Variants in F5 observed in about 807,000 individuals in gnomAD.
F5 encodes the protein activated protein c cofactor.
In F5, 138 loss-of-function variants were observed where a neutral mutation model predicts 216.4. The observed-to-expected ratio is 0.64, with a 90% CI of 0.56 to 0.73. F5 has a LOEUF of 0.73. Ranked by LOEUF, F5 falls within the 30% of genes least tolerant of loss-of-function variation. F5 has a pLI of 0.00. For missense variants in F5, 2,403 were observed against 2,674.0 expected (o/e 0.90, Z 2.24); for synonymous variants, 916 against 930.7 (o/e 0.98, Z 0.29).
At chr1:169,556,178 T>C (rs1443969642) in intron 6 of F5, among the ~76,000 whole-genome samples, 2 of 152,240 alleles carry the variant, frequency 1.3e-5, no homozygotes, top group Non-Finnish European at 2.9e-5. Context: ...TCAACACACA[T>C]TCATTGAGTT....
intron 9 of F5, among the ~76,000 whole-genome samples, chr1:169,550,292 C>CCA (rs1660134768): frequency 1.3e-5 from 1 of 74,180 alleles, no homozygotes; most frequent in African/African-American, 4.5e-5. Context: ...CCCCCCACCC[C>CCA]CCCCCCCCGA....
At position 169,514,192 on chromosome 1, in the gene F5, TA is replaced by T; in HGVS notation, c.*120del. ...TCTTGTATAAAATTTTATTCACTAA[TA>T]GAAAAGAAAGAGAAATAGTGGAAAA... On this transcript the variant is annotated 3_prime_UTR_variant, in exon 25 of 25. Coordinates refer to ENST00000367797, the MANE Select transcript of F5 (RefSeq NM_000130.5). The T allele has an allele frequency of 9.4e-7, 1 of 1,062,956 alleles. No individual in the cohort carries two copies. The highest frequency in any genetic ancestry group is 1.4e-5 in the South Asian group (1 of 72,314). 65.8% of individuals were successfully genotyped at this position (1,062,956 alleles called of 1,614,324 possible). A position where few individuals can be genotyped will look rare whatever the true frequency, so the allele number is the denominator to read the frequency against.
intron 3 of F5, among the ~76,000 whole-genome samples, chr1:169,566,133 A>G (rs1660595180): frequency 6.6e-6 from 1 of 152,088 alleles, no homozygotes; most frequent in Non-Finnish European, 1.5e-5. Flanking sequence ...TGAAATTAGC[A>G]TGGCTAGTTG....
chr1:169,564,706 C>A (rs757381953), intron 3 of F5, among the ~76,000 whole-genome samples: 1 of 151,944 alleles, frequency 6.6e-6, no homozygotes, highest in Non-Finnish European at 1.5e-5. Flanking sequence ...TTAATTGTAC[C>A]TTTCCCCATC....
intron 7 of F5, 55 bp downstream of exon 7, chr1:169,555,127 C>G: frequency 6.3e-7 from 1 of 1,596,090 alleles, no homozygotes; most frequent in Non-Finnish European, 8.6e-7. Flanking sequence ...ACATCTAGGA[C>G]CCTATGGAAT....
At chr1:169,573,440 G>T (rs1660774361) in intron 2 of F5, among the ~76,000 whole-genome samples, 1 of 152,192 alleles carries the variant, frequency 6.6e-6, no homozygotes, top group Admixed American at 6.6e-5. Flanking sequence ...AGTGTACTGG[G>T]CCAGCACATG....
At chr1:169,525,302 G>A (rs1659419162) in intron 18 of F5, among the ~76,000 whole-genome samples, 1 of 151,802 alleles carries the variant, frequency 6.6e-6, no homozygotes, top group Admixed American at 6.6e-5. Context: ...TTTGATCTTG[G>A]GCAACCTCTT....
At chr1:169,580,194 A>C (rs1173249689) in intron 2 of F5, among the ~76,000 whole-genome samples, 1 of 152,154 alleles carries the variant, frequency 6.6e-6, no homozygotes, top group African/African-American at 2.4e-5. Flanking sequence ...GACTGGAGAT[A>C]GGTCTCCTAT....
At chr1:169,566,191 A>G (rs192320179) in intron 3 of F5, among the ~76,000 whole-genome samples, 66 of 152,192 alleles carry the variant, frequency 4.3e-4, no homozygotes, top group Middle Eastern at 3.4e-3. Context: ...CCCTTCTTCA[A>G]TGCTTCTTGC....
At chr1:169,559,062 T>C (rs1660397584) in intron 5 of F5, 91 bp downstream of exon 5, 4 of 1,407,658 alleles carry the variant, frequency 2.8e-6, no homozygotes, top group Non-Finnish European at 3.0e-6. Context: ...ACAGTGAGTA[T>C]GGTCAACTTC....
chr1:169,553,998 C>T (rs749403223), intron 7 of F5, among the ~76,000 whole-genome samples: 4 of 149,398 alleles, frequency 2.7e-5, no homozygotes, highest in Non-Finnish European at 6.0e-5. Flanking sequence ...TGACTGTTGC[C>T]AAACACTCCT....
Position 169,550,681 on chromosome 1 carries a change from A to G in F5, c.1355T>C (p.Phe452Ser), listed in dbSNP as rs772876290. 1 of 1,614,076 alleles carries G rather than the reference A, an allele frequency of 6.2e-7. No homozygotes were observed. Among genetic ancestry groups the G allele is most frequent in the Non-Finnish European group, 8.5e-7 (1 of 1,179,954 alleles). ...PYSIYPHGVT[F>S]SPYEDEVNSS... The stretch of plus-strand genomic sequence containing the variant: ...GTTGACTTCATCTTCATAAGGCGAG[A>G]AGGTCACTCCATGAGGGTAAATGCT... Residue 452 changes from phenylalanine (F) to serine (S), a missense_variant, in exon 9 of 25, where the codon TTC becomes TCC. Around this residue, in one of 4 missense-constraint regions of F5, gnomAD observed 1,425 missense variants for 1,554.8 expected, o/e 0.92. Transcript: ENST00000367797.
intron 17 of F5, 141 bp downstream of exon 17, chr1:169,527,774 G>T: frequency 9.6e-7 from 1 of 1,038,710 alleles, no homozygotes; most frequent in Non-Finnish European, 1.4e-6. Context: ...TGGGTCTATG[G>T]GTTTGCCTAG....
In F5 at chr1:169,559,209, C is replaced by T. The variant is rs1411336106; in HGVS notation, c.674G>A (p.Ser225Asn). The T allele has an allele frequency of 6.2e-7, 1 of 1,613,854 alleles. No individual in the cohort carries two copies. Among genetic ancestry groups the T allele is most frequent in the Non-Finnish European group, 8.5e-7 (1 of 1,179,810 alleles). ...TGTGTACATTAGGGATGATGACTGG[C>T]TCCAGCTCTTGCTTTCATCAAACAC... Reference protein sequence around the residue: ...FAVFDESKSWSQSSSLMYTVN... With the variant: ...FAVFDESKSWNQSSSLMYTVN... The change falls in exon 5 of 25, where the codon AGC (serine) becomes AAC (asparagine). Residue 225 changes from serine to asparagine, a missense_variant. Physicochemically the swap from Ser to Asn is conservative, Grantham distance 46. This residue lies in a region of F5 where 1,425 missense variants were observed against 1,554.8 expected (regional missense o/e 0.92). Coordinates refer to ENST00000367797, the MANE Select transcript of F5 (RefSeq NM_000130.5).
At chr1:169,556,961 G>T in intron 5 of F5, 94 bp from the exon 6 acceptor site, 1 of 1,088,588 alleles carries the variant, frequency 9.2e-7, no homozygotes, top group Non-Finnish European at 1.4e-6. Context: ...AGCACCTGCT[G>T]TGTGTCAGGC....
chr1:169,556,812 C>T lies in F5; in HGVS notation c.786G>A (p.Ser262=), dbSNP rs771004286. 2.0e-5 allele frequency: 32 copies of T among 1,613,890 alleles called. No individual in the cohort carries two copies. The highest frequency in any genetic ancestry group is 1.3e-4 in the East Asian group (6 of 44,892). ...AATGAATGGAGAATAATTCTGGCCC[C>T]GAGCTCATTCCCAGCAGATGCCAGC... ...HISWHLLGMS[S]GPELFSIHFN... Residue 262 remains serine, a synonymous_variant, in exon 6 of 25, where the codon TCG becomes TCA. Coordinates refer to ENST00000367797, the MANE Select transcript of F5 (RefSeq NM_000130.5).
chr1:169,586,043 C>A (rs919857526), intron 1 of F5, among the ~76,000 whole-genome samples, 186 bp downstream of exon 1: 3 of 151,544 alleles, frequency 2.0e-5, no homozygotes, highest in African/African-American at 7.3e-5. Flanking sequence ...GAATGATAAA[C>A]TACATTGTTG....
chr1:169,552,555 A>G lies in F5; in HGVS notation c.1296+2T>C. ...CCATGATTCTGTATTTGTGTTACTT[A>G]CTTTGAGTGTGTCTCTGACCTGGGC... On this transcript the variant is annotated splice_donor_variant, in intron 8 of 24. Coordinates refer to ENST00000367797, the MANE Select transcript of F5 (RefSeq NM_000130.5). LOFTEE classifies it high-confidence loss of function. 1 of 1,611,912 alleles carries G rather than the reference A, an allele frequency of 6.2e-7. No individual in the cohort carries two copies. Among genetic ancestry groups the G allele is most frequent in the Non-Finnish European group, 8.5e-7 (1 of 1,178,212 alleles).
chr1:169,553,499 G>C (rs1024442539), intron 7 of F5, among the ~76,000 whole-genome samples: 1 of 152,166 alleles, frequency 6.6e-6, no homozygotes, highest in Non-Finnish European at 1.5e-5. Context: ...ACGAGGTCAG[G>C]AGATCGAGAC....
Sources: gnomAD v4.1 joint callset for allele counts (sites outside exome capture counted in the v4.1 genomes callset) on GRCh38, gnomAD v4.1.1 for gene constraint, gnomAD v4.1.1 regional missense constraint, MANE v1.5 for transcripts, NCBI Gene and HGNC (gene_info 2026-07-23, HGNC 2026-07-21) for gene names.